ABCB10: variants seen among roughly 807,000 people sequenced by gnomAD.
ABCB10 encodes the protein ATP-binding cassette sub-family B member 10, mitochondrial.
Under a neutral mutation model 65.4 loss-of-function variants are expected in ABCB10, and 54 were observed. The observed-to-expected ratio is 0.83, with a 90% CI of 0.66 to 1.04. The LOEUF is 1.04. Ranked by LOEUF, ABCB10 falls within the 50% of genes least tolerant of loss-of-function variation. ABCB10 has a pLI of 0.00. For synonymous variants in ABCB10, 418 were observed against 406.5 expected (o/e 1.03, Z -0.34); for missense variants, 846 against 976.6 (o/e 0.87, Z 1.78).
At chr1:229,550,905 A>C (rs911172688) in intron 1 of ABCB10, among the ~76,000 whole-genome samples, 7 of 152,020 alleles carry the variant, frequency 4.6e-5, no homozygotes, top group African/African-American at 1.7e-4. Flanking sequence ...ATTAGTAACA[A>C]CACATATCAC....
chr1:229,518,834 T>G lies in ABCB10; in HGVS notation c.1985+7A>C, dbSNP rs200515557. 4.1e-5 allele frequency: 65 copies of G among 1,594,922 alleles called. No homozygotes were observed. In the East Asian group the frequency reaches 1.5e-3, roughly 36 times the overall value. On this transcript the variant is annotated splice_region_variant and intron_variant, in intron 12 of 12. Transcript: ENST00000344517. ...CACAATGGCATATATTATTAAGATATCCTCACCTGGTTGCTTCATCTAGGA... is the reference window on the plus strand; with the variant it reads ...CACAATGGCATATATTATTAAGATAGCCTCACCTGGTTGCTTCATCTAGGA...
At position 229,521,699 on chromosome 1, in the gene ABCB10, G is replaced by T. The variant is rs1031567400; in HGVS notation, c.1907-64C>A. On this transcript the variant is annotated intron_variant, in intron 10 of 12. Coordinates refer to ENST00000344517, the MANE Select transcript of ABCB10 (RefSeq NM_012089.3). ...AAAAATCTTAGTAATAGGCTTTTAT[G>T]ATAAACCATATAGCAATTTGAAGGC... The T allele has an allele frequency of 1.1e-5, 18 of 1,573,006 alleles. No homozygotes were observed. The Admixed American group carries it at 2.9e-4, about 26-fold the overall frequency.
At chr1:229,540,814 G>A in intron 4 of ABCB10, 62 bp from the exon 5 acceptor site, 49 of 1,478,128 alleles carry the variant, frequency 3.3e-5, no homozygotes, top group South Asian at 1.1e-4. Flanking sequence ...CTTCTAAGAA[G>A]GAAAAATAAA....
chr1:229,546,644 G>A (rs952584591), intron 3 of ABCB10, among the ~76,000 whole-genome samples: 3 of 152,068 alleles, frequency 2.0e-5, no homozygotes, highest in Non-Finnish European at 1.5e-5. Flanking sequence ...GCCGAGGCAG[G>A]AGGATCACTT....
At chr1:229,552,291 C>G (rs1663135734) in intron 1 of ABCB10, among the ~76,000 whole-genome samples, 1 of 152,212 alleles carries the variant, frequency 6.6e-6, no homozygotes, top group Non-Finnish European at 1.5e-5. Context: ...ATACTTTAGA[C>G]TTGCTCCATA....
intron 1 of ABCB10, among the ~76,000 whole-genome samples, chr1:229,554,051 G>A (rs892048676): frequency 6.6e-6 from 1 of 152,246 alleles, no homozygotes; most frequent in Non-Finnish European, 1.5e-5. Context: ...ACTGAACCAA[G>A]AGACAGAAGA....
intron 6 of ABCB10, among the ~76,000 whole-genome samples, chr1:229,533,734 T>G (rs1558122926): frequency 6.6e-6 from 1 of 152,168 alleles, no homozygotes; most frequent in Non-Finnish European, 1.5e-5. Flanking sequence ...AATATCCACA[T>G]GCAAAGAAGG....
chr1:229,549,399 A>G lies in ABCB10; in HGVS notation c.553T>C (p.Ser185Pro). 1 of 1,614,162 alleles carries G rather than the reference A, an allele frequency of 6.2e-7. No homozygotes were observed. Among genetic ancestry groups the G allele is most frequent in the Non-Finnish European group, 8.5e-7 (1 of 1,180,020 alleles). Residue 185 changes from serine to proline, a missense_variant, in exon 2 of 13, where the codon TCC (serine) becomes CCC (proline). Coordinates refer to ENST00000344517, the MANE Select transcript of ABCB10 (RefSeq NM_012089.3). ...CCCAGGAAGAAAGGGGCAGACATGGAGATAACACTGGACATCGTGAGAAAT... is the reference window on the plus strand; with the variant it reads ...CCCAGGAAGAAAGGGGCAGACATGGGGATAACACTGGACATCGTGAGAAAT... ...VGFLTMSSVI[S>P]MSAPFFLGKI...
chr1:229,529,782 C>G (rs960986014), intron 8 of ABCB10, among the ~76,000 whole-genome samples: 5 of 152,106 alleles, frequency 3.3e-5, no homozygotes, highest in African/African-American at 1.2e-4. Flanking sequence ...CAGGAGCTCC[C>G]TATCACTCCT....
At chr1:229,552,837 C>T (rs963296580) in intron 1 of ABCB10, among the ~76,000 whole-genome samples, 2 of 152,148 alleles carry the variant, frequency 1.3e-5, no homozygotes, top group African/African-American at 2.4e-5. Context: ...AGGGAGCCTA[C>T]GCAAGGTCTC....
chr1:229,552,388 T>G (rs1463674933), intron 1 of ABCB10, among the ~76,000 whole-genome samples: 1 of 152,206 alleles, frequency 6.6e-6, no homozygotes, highest in Non-Finnish European at 1.5e-5. Flanking sequence ...TCTCCATAGT[T>G]AAGTCTCTTG....
In ABCB10 at chr1:229,527,260, C is replaced by T; in HGVS notation, c.1694G>A (p.Trp565Ter). ...CACTGTCCCAATTTTGGATCTCAGCCACACTGGGTTTAGCTGACGGATGTC... is the reference window on the plus strand; with the variant it reads ...CACTGTCCCAATTTTGGATCTCAGCTACACTGGGTTTAGCTGACGGATGTC... ...GHDIRQLNPV[W>*]LRSKIGTVSQ... The change falls in exon 9 of 13, where the codon TGG (tryptophan) becomes TAG (stop). Residue 565 changes from tryptophan (W) to a stop codon, truncating the protein, a stop_gained. Coordinates refer to ENST00000344517, the MANE Select transcript of ABCB10 (RefSeq NM_012089.3). LOFTEE classifies it high-confidence loss of function. The T allele has an allele frequency of 6.2e-7, 1 of 1,613,878 alleles. No individual in the cohort carries two copies. Among genetic ancestry groups the T allele is most frequent in the Non-Finnish European group, 8.5e-7 (1 of 1,179,850 alleles).
Position 229,547,412 on chromosome 1 carries a change from C to T in ABCB10, c.921+87G>A, listed in dbSNP as rs555439727. On this transcript the variant is annotated intron_variant, in intron 3 of 12. Transcript: ENST00000344517. ...GGCACTTACAGAATGATGCGAACCG[C>T]TCAGCTTGAGCTCGTCTCACACGTG... 3 of 1,501,636 alleles carry T rather than the reference C, an allele frequency of 2.0e-6. No individual in the cohort carries two copies. In the African/African-American group the frequency reaches 4.2e-5, roughly 21 times the overall value. 93.0% of individuals were successfully genotyped at this position (1,501,636 alleles called of 1,614,324 possible).
At chr1:229,551,106 T>C (rs964000367) in intron 1 of ABCB10, among the ~76,000 whole-genome samples, 2 of 152,148 alleles carry the variant, frequency 1.3e-5, no homozygotes, top group African/African-American at 4.8e-5. Flanking sequence ...ATAACCTTAA[T>C]AAAGAGTCCA....
intron 10 of ABCB10, among the ~76,000 whole-genome samples, chr1:229,523,787 T>A (rs1053809857): frequency 2.0e-5 from 3 of 152,006 alleles, no homozygotes; most frequent in Admixed American, 6.6e-5. Flanking sequence ...TCAAGGGAGG[T>A]GACGTGCTCT....
intron 1 of ABCB10, among the ~76,000 whole-genome samples, chr1:229,550,206 G>C (rs1039321616): frequency 1.3e-5 from 2 of 152,090 alleles, no homozygotes; most frequent in African/African-American, 2.4e-5. Context: ...CTAAAAAACA[G>C]GCAAACAAGA....
In ABCB10 at chr1:229,549,228, T is replaced by G. The variant is rs762128496; in HGVS notation, c.718+6A>C. ...GACTCACATCCCTGAGAGGAGAGACTGTTACCTGAAGTTTGCATGAGGTAG... is the reference window on the plus strand; with the variant it reads ...GACTCACATCCCTGAGAGGAGAGACGGTTACCTGAAGTTTGCATGAGGTAG... On this transcript the variant is annotated splice_donor_region_variant and intron_variant, in intron 2 of 12. Coordinates refer to ENST00000344517, the MANE Select transcript of ABCB10 (RefSeq NM_012089.3). 18 of 1,613,826 alleles carry G rather than the reference T, an allele frequency of 1.1e-5. No homozygotes were observed. The South Asian group carries it at 2.0e-4, about 18-fold the overall frequency.
chr1:229,531,501 C>T, intron 7 of ABCB10, 135 bp downstream of exon 7: 3 of 865,598 alleles, frequency 3.5e-6, no homozygotes, highest in South Asian at 1.6e-5. Flanking sequence ...ACCTCCTCAC[C>T]CGGCCCGCCA....
chr1:229,558,600 GC>G lies in ABCB10; in HGVS notation c.52del (p.Ala18ProfsTer9). 1 of 1,438,428 alleles carries G rather than the reference GC, an allele frequency of 7.0e-7. No homozygotes were observed. Among genetic ancestry groups the G allele is most frequent in the South Asian group, 1.3e-5 (1 of 75,644 alleles). The allele number at this position is 1,438,428 out of a possible 1,614,324, so 89.1% of individuals were successfully genotyped here. On this transcript the variant is annotated frameshift_variant, in exon 1 of 13. Coordinates refer to ENST00000344517, the MANE Select transcript of ABCB10 (RefSeq NM_012089.3). LOFTEE classifies it high-confidence loss of function. Reference protein sequence around the residue: ...PLRLLEPPSPAEPGRLLPVAC... With the variant: ...PLRLLEPPSPXEPGRLLPVAC... The stretch of plus-strand genomic sequence containing the variant: ...TACCGGCAGGAGCCGACCTGGCTCG[GC>G]AGGGCTCGGTGGCTCGAGCAGCCGC...
Sources: allele counts gnomAD v4.1 joint callset (sites outside exome capture counted in the v4.1 genomes callset), GRCh38; gene constraint gnomAD v4.1.1; transcripts MANE v1.5; gene names NCBI Gene and HGNC (gene_info 2026-07-23, HGNC 2026-07-21).